The following P2RY14 variants were observed in gnomAD, a reference collection of about 807,000 sequenced individuals.
P2RY14 encodes the protein purinergic receptor P2Y14.
A neutral mutation model predicts 0.9 loss-of-function variants in P2RY14; 2 were observed. The observed-to-expected ratio is 2.16, with a 90% CI of 0.88 to 6.79. The LOEUF is 6.79. Among genes scored for constraint, P2RY14 ranks in the 30% most tolerant of loss-of-function variants. The pLI is 0.05. For missense variants in P2RY14, 378 were observed against 400.1 expected (o/e 0.94, Z 0.47); for synonymous variants, 158 against 147.2 (o/e 1.07, Z -0.53).
chr3:151,237,426 T>G (rs571495573), intron 1 of P2RY14, among the ~76,000 whole-genome samples: 2 of 136,056 alleles, frequency 1.5e-5, no homozygotes, highest in African/African-American at 5.4e-5. Context: ...CTTGGCTCAC[T>G]GCAACCTCCA....
intron 1 of P2RY14, among the ~76,000 whole-genome samples, chr3:151,243,460 T>G (rs1230722046): frequency 6.6e-6 from 1 of 152,108 alleles, no homozygotes; most frequent in African/African-American, 2.4e-5. Flanking sequence ...GGGGCCAATA[T>G]TCAACATTCT....
At chr3:151,269,555 C>T (rs1414519287) in intron 1 of P2RY14, 1 of 300,322 alleles carries the variant, frequency 3.3e-6, no homozygotes, top group African/African-American at 2.3e-5. Flanking sequence ...GCCCAAATTT[C>T]AAATTTTTGG....
intron 1 of P2RY14, among the ~76,000 whole-genome samples, chr3:151,253,999 G>GTTTTTTTT (rs11453294): frequency 7.3e-6 from 1 of 136,916 alleles, no homozygotes; most frequent in African/African-American, 2.7e-5. Flanking sequence ...ATTTTTTCTT[G>GTTTTTTTT]TTTTTTTTTT....
chr3:151,246,383 A>G lies in P2RY14; in HGVS notation c.-132-26741T>C, dbSNP rs1735476281. 5.3e-5 allele frequency among the ~76,000 whole-genome samples: 8 copies of G among 152,072 alleles called. 2 individuals carry two copies. The highest frequency in any genetic ancestry group is 5.2e-4 in the Admixed American group (8 of 15,270). On this transcript the variant is annotated intron_variant, in intron 1 of 2. Transcript: ENST00000309170. ...TGACTTCAAACTATACTACAAGGCTACAGTAACCAAAACAGCATGGTACTG... is the reference window on the plus strand; with the variant it reads ...TGACTTCAAACTATACTACAAGGCTGCAGTAACCAAAACAGCATGGTACTG...
intron 1 of P2RY14, among the ~76,000 whole-genome samples, chr3:151,274,526 G>C (rs1294912711): frequency 6.6e-6 from 1 of 152,180 alleles, no homozygotes; most frequent in Admixed American, 6.5e-5. Context: ...CAACACTAAA[G>C]GCCACCTCCT....
chr3:151,263,164 G>A lies in P2RY14; in HGVS notation c.-133+15123C>T, dbSNP rs372890727. ...AGATGGATCAACAGCTGAGGAGTGTGCACAGGCCCTGTGCTTTTAGGATGG... is the reference window on the plus strand; with the variant it reads ...AGATGGATCAACAGCTGAGGAGTGTACACAGGCCCTGTGCTTTTAGGATGG... On this transcript the variant is annotated intron_variant, in intron 1 of 2. Transcript: ENST00000309170. Among the ~76,000 whole-genome samples, 48 of 152,266 alleles carry A rather than the reference G, an allele frequency of 3.2e-4. 1 individual carries two copies. The Middle Eastern group carries it at 0.01, about 32-fold the overall frequency.
intron 1 of P2RY14, among the ~76,000 whole-genome samples, chr3:151,220,308 A>G (rs1249494956): frequency 1.3e-5 from 2 of 152,050 alleles, no homozygotes; most frequent in Non-Finnish European, 2.9e-5. Context: ...AGGTTTAGCA[A>G]AATGGTGGTT....
intron 1 of P2RY14, among the ~76,000 whole-genome samples, chr3:151,277,416 G>C (rs1323905750): frequency 6.6e-6 from 1 of 150,860 alleles, no homozygotes; most frequent in African/African-American, 2.4e-5. Flanking sequence ...TAATGGCTAG[G>C]TTTTTTTTTA....
In P2RY14 at chr3:151,232,238, A is replaced by G. The variant is rs79419977; in HGVS notation, c.-132-12596T>C. Among the ~76,000 whole-genome samples the G allele has an allele frequency of 3.0e-3, 462 of 152,280 alleles. 2 individuals are homozygous for G. Among genetic ancestry groups the G allele is most frequent in the African/African-American group, 0.011 (449 of 41,536 alleles). Reference sequence around the variant, plus strand: ...TGCCAAAGTAGTCTTTACTTAAAACATTGTTTGTAGCTCTTTGAGCAATCA... The same window carrying G: ...TGCCAAAGTAGTCTTTACTTAAAACGTTGTTTGTAGCTCTTTGAGCAATCA... On this transcript the variant is annotated intron_variant, in intron 1 of 2. Coordinates refer to ENST00000309170, the MANE Select transcript of P2RY14 (RefSeq NM_014879.4).
At chr3:151,250,908 C>T (rs2149448437) in intron 1 of P2RY14, among the ~76,000 whole-genome samples, 1 of 152,292 alleles carries the variant, frequency 6.6e-6, no homozygotes, top group Admixed American at 6.5e-5. Flanking sequence ...TGTCACTTTC[C>T]CCACATCCTT....
intron 1 of P2RY14, among the ~76,000 whole-genome samples, chr3:151,249,815 A>G (rs1044479303): frequency 2.0e-5 from 3 of 152,148 alleles, no homozygotes; most frequent in African/African-American, 7.2e-5. Flanking sequence ...TTCTGAAATT[A>G]TGCTCTGGAT....
intron 1 of P2RY14, among the ~76,000 whole-genome samples, chr3:151,255,997 G>A (rs796778988): frequency 1.3e-4 from 20 of 152,162 alleles, no homozygotes; most frequent in African/African-American, 4.6e-4. Context: ...AAATGGTAGG[G>A]TCTCTTTTTA....
intron 1 of P2RY14, chr3:151,269,488 A>G (rs954648218): frequency 3.6e-6 from 1 of 274,450 alleles, no homozygotes; most frequent in African/African-American, 2.3e-5. Context: ...TTGTGAAAGC[A>G]GAACAGAAGT....
chr3:151,231,329 G>C (rs1731624549), intron 1 of P2RY14, among the ~76,000 whole-genome samples: 1 of 152,200 alleles, frequency 6.6e-6, no homozygotes, highest in Admixed American at 6.5e-5. Context: ...TGGGAGAATA[G>C]TATCTTTCAG....
intron 1 of P2RY14, among the ~76,000 whole-genome samples, chr3:151,254,319 C>G (rs1452557690): frequency 6.6e-6 from 1 of 152,264 alleles, no homozygotes; most frequent in South Asian, 2.1e-4. Flanking sequence ...ATCTTTCATT[C>G]ACGTAACTAG....
intron 1 of P2RY14, among the ~76,000 whole-genome samples, chr3:151,233,232 G>A (rs948137644): frequency 6.6e-6 from 1 of 152,182 alleles, no homozygotes; most frequent in Non-Finnish European, 1.5e-5. Flanking sequence ...TGCCCTCTGA[G>A]TTTAGTCATG....
chr3:151,270,204 T>TGTGTGTGTGTGTGG (rs1358817019), intron 1 of P2RY14: 2 of 136,720 alleles, frequency 1.5e-5, no homozygotes, highest in African/African-American at 5.2e-5. Context: ...GTCGTGTGTG[T>TGTGTGTGTGTGTGG]GTGTGTGTGT....
chr3:151,257,545 C>T (rs959725667), intron 1 of P2RY14, among the ~76,000 whole-genome samples: 1 of 152,204 alleles, frequency 6.6e-6, no homozygotes, highest in East Asian at 1.9e-4. Context: ...ATATCTACTT[C>T]AGAATACTGT....
intron 2 of P2RY14, among the ~76,000 whole-genome samples, chr3:151,216,372 G>A (rs2149241284): frequency 6.6e-6 from 1 of 152,270 alleles, no homozygotes; most frequent in South Asian, 2.1e-4. Flanking sequence ...CACAGTGAAT[G>A]ACAAGTTAGG....
Sources: allele counts gnomAD v4.1 joint callset (sites outside exome capture counted in the v4.1 genomes callset), GRCh38; gene constraint gnomAD v4.1.1; transcripts MANE v1.5; gene names NCBI Gene and HGNC (gene_info 2026-07-23, HGNC 2026-07-21).